The following LRRTM4 variants were observed in gnomAD, a reference collection of about 807,000 sequenced individuals.
LRRTM4 encodes the protein leucine-rich repeat transmembrane neuronal protein 4.
Under a neutral mutation model 47.6 loss-of-function variants are expected in LRRTM4, and 25 were observed. That is an observed-to-expected ratio of 0.53 (90% CI 0.38 to 0.73). The LOEUF is 0.73. Among genes scored for constraint, LRRTM4 ranks in the 30% least tolerant of loss-of-function variants. The probability of loss-of-function intolerance (pLI) is 0.00; values close to 1 mark genes in which losing one functional copy is unlikely to be tolerated. For synonymous variants in LRRTM4, 311 were observed against 269.5 expected, an observed-to-expected ratio of 1.15 and a Z score of -1.51; for missense variants, 638 against 713.4, an observed-to-expected ratio of 0.89 and a Z score of 1.20.
intron 3 of LRRTM4, among the ~76,000 whole-genome samples, chr2:76,879,769 C>T (rs1672876873): frequency 6.6e-6 from 1 of 152,174 alleles, no homozygotes; most frequent in South Asian, 2.1e-4. Flanking sequence ...GAAGGAATCA[C>T]CCTTCTAAAT....
chr2:77,243,773 C>CTTTT (rs68042043), intron 3 of LRRTM4, among the ~76,000 whole-genome samples: 5 of 145,774 alleles, frequency 3.4e-5, no homozygotes, highest in African/African-American at 5.1e-5. Context: ...TTTCTTTTTC[C>CTTTT]TTTTTTTTTA....
At chr2:77,489,731 C>A (rs1334213315) in intron 3 of LRRTM4, among the ~76,000 whole-genome samples, 1 of 152,116 alleles carries the variant, frequency 6.6e-6, no homozygotes, top group Non-Finnish European at 1.5e-5. Flanking sequence ...ATTACAAAAC[C>A]TAATATTAGA....
rs138996386 is a variant in LRRTM4, at chr2:77,131,895, A to G, written c.1552-382979T>C. ...TTTTAATGACACATAATACTTGTAC[A>G]TATTTATGGGGTACATGTGATATTT... On this transcript the variant is annotated intron_variant, in intron 3 of 3. Transcript: ENST00000409884. Among the ~76,000 whole-genome samples the G allele has an allele frequency of 3.3e-3, 497 of 152,294 alleles. 2 individuals carry two copies. The highest frequency in any genetic ancestry group is 0.011 in the African/African-American group (464 of 41,562).
intron 3 of LRRTM4, among the ~76,000 whole-genome samples, chr2:76,911,565 G>A (rs898799945): frequency 2.6e-5 from 4 of 152,126 alleles, no homozygotes; most frequent in African/African-American, 9.7e-5. Flanking sequence ...CTGTGTCCTT[G>A]AATGGATCAT....
intron 3 of LRRTM4, among the ~76,000 whole-genome samples, chr2:77,362,145 GAAA>G (rs1672252960): frequency 6.7e-6 from 1 of 149,234 alleles, no homozygotes; most frequent in African/African-American, 2.5e-5. Flanking sequence ...AAGAAAGAAA[GAAA>G]GAAAGAAAGA....
chr2:77,058,607 T>C (rs1194897167), intron 3 of LRRTM4, among the ~76,000 whole-genome samples: 2 of 151,936 alleles, frequency 1.3e-5, no homozygotes, highest in African/African-American at 4.8e-5. Context: ...TAATCATCAT[T>C]GTATTCCCAA....
intron 3 of LRRTM4, among the ~76,000 whole-genome samples, chr2:76,862,327 C>T (rs1454795144): frequency 6.6e-6 from 1 of 152,106 alleles, no homozygotes; most frequent in Non-Finnish European, 1.5e-5. Flanking sequence ...AATGGCAATT[C>T]ACAGCATCAT....
At chr2:77,007,481 A>C (rs976475466) in intron 3 of LRRTM4, among the ~76,000 whole-genome samples, 4 of 152,196 alleles carry the variant, frequency 2.6e-5, no homozygotes, top group African/African-American at 9.7e-5. Context: ...GAAAGCAATG[A>C]AAGTCTATAC....
intron 3 of LRRTM4, among the ~76,000 whole-genome samples, chr2:77,479,703 C>CTCCATCTCTCTCTTTCTCTTCTA (rs1677579888): frequency 1.3e-5 from 2 of 152,064 alleles, no homozygotes; most frequent in East Asian, 3.9e-4. Context: ...TTTTTCTCGT[C>CTCCATCTCTCTCTTTCTCTTCTA]TCCATCTCTC....
intron 3 of LRRTM4, among the ~76,000 whole-genome samples, chr2:77,511,311 T>C (rs1221107162): frequency 2.0e-5 from 3 of 152,094 alleles, no homozygotes; most frequent in Admixed American, 6.6e-5. Context: ...CAATACCATC[T>C]GTATTCAGTA....
intron 3 of LRRTM4, among the ~76,000 whole-genome samples, chr2:77,030,405 C>T (rs1678612708): frequency 6.6e-6 from 1 of 152,144 alleles, no homozygotes; most frequent in Non-Finnish European, 1.5e-5. Context: ...TGCACTCCAG[C>T]CTGGGTTACA....
chr2:76,763,501 C>T (rs1306412075), intron 3 of LRRTM4, among the ~76,000 whole-genome samples: 2 of 152,208 alleles, frequency 1.3e-5, no homozygotes, highest in Admixed American at 1.3e-4. Flanking sequence ...TGAAACCTAC[C>T]TTAATAGCAC....
intron 3 of LRRTM4, among the ~76,000 whole-genome samples, chr2:77,183,200 A>T (rs953045053): frequency 1.4e-4 from 21 of 152,184 alleles, no homozygotes; most frequent in Non-Finnish European, 2.6e-4. Flanking sequence ...CAAAGGGCTA[A>T]TATCCAGAAT....
intron 3 of LRRTM4, among the ~76,000 whole-genome samples, chr2:77,220,051 T>C (rs1408123563): frequency 6.6e-6 from 1 of 152,128 alleles, no homozygotes; most frequent in African/African-American, 2.4e-5. Context: ...GGTTCACCAA[T>C]ATCTGCTGTT....
At chr2:76,913,602 C>T (rs1290445869) in intron 3 of LRRTM4, among the ~76,000 whole-genome samples, 8 of 139,362 alleles carry the variant, frequency 5.7e-5, no homozygotes, top group African/African-American at 8.1e-5. Flanking sequence ...TGCAATTGCG[C>T]GATCTTGGCT....
Position 77,519,827 on chromosome 2 carries a change from C to T in LRRTM4, c.42G>A (p.Val14=). 6.2e-7 allele frequency: 1 copy of T among 1,611,452 alleles called. No individual in the cohort carries two copies. The highest frequency in any genetic ancestry group is 8.5e-7 in the Non-Finnish European group (1 of 1,178,558). The part of the protein sequence containing the change: ...HLITQLKGMS[V]VLVLLPTLLL... ...GCAGTGTAGGAAGTAGCACCAGCACCACACTCATGCCTTTCAGCTGCGTAA... is the reference window on the plus strand; with the variant it reads ...GCAGTGTAGGAAGTAGCACCAGCACTACACTCATGCCTTTCAGCTGCGTAA... The change falls in exon 3 of 4, where the codon GTG becomes GTA. Residue 14 remains valine, a synonymous_variant. Transcript: ENST00000409884. The surrounding 1 kb of genome is among the most constrained non-coding windows in gnomAD (Gnocchi z 4.6).
chr2:77,100,775 A>T (rs1670931634), intron 3 of LRRTM4, among the ~76,000 whole-genome samples: 1 of 152,036 alleles, frequency 6.6e-6, no homozygotes, highest in Non-Finnish European at 1.5e-5. Context: ...AGTCATCAAA[A>T]ACCTTTTTAA....
chr2:77,478,297 T>A (rs1020902620), intron 3 of LRRTM4, among the ~76,000 whole-genome samples: 1 of 152,182 alleles, frequency 6.6e-6, no homozygotes, highest in African/African-American at 2.4e-5. Flanking sequence ...AAAAATGTTA[T>A]TTTAAAATTG....
At position 77,103,667 on chromosome 2, in the gene LRRTM4, A is replaced by ATATATATATACATC. The variant is rs145819033; in HGVS notation, c.1552-354752_1552-354751insGATGTATATATATA. Reference sequence around the variant, plus strand: ...TGAGTGTATATATATATATATAGATATATATATCACATATATGTATATATA... The same window carrying ATATATATATACATC: ...TGAGTGTATATATATATATATAGATATATATATATACATCTATATATCACATATATGTATATATA... On this transcript the variant is annotated intron_variant, in intron 3 of 3. Transcript: ENST00000409884. 6.2e-5 allele frequency among the ~76,000 whole-genome samples: 9 copies of ATATATATATACATC among 146,274 alleles called. 1 individual carries two copies. Among genetic ancestry groups the ATATATATATACATC allele is most frequent in the African/African-American group, 2.3e-4 (9 of 39,022 alleles).
Sources: gnomAD v4.1 joint callset for allele counts (sites outside exome capture counted in the v4.1 genomes callset) on GRCh38, gnomAD v4.1.1 for gene constraint, Gnocchi (gnomAD v3.1) non-coding constraint, MANE v1.5 for transcripts, NCBI Gene and HGNC (gene_info 2026-07-23, HGNC 2026-07-21) for gene names.